The following CAD variants were observed in gnomAD, a reference collection of about 807,000 sequenced individuals.
The protein encoded by CAD is carbamoyl-phosphate synthetase 2, aspartate transcarbamylase, and dihydroorotase, also known as multifunctional protein CAD.
CAD carries 81 observed loss-of-function variants against 237.2 expected under a neutral mutation model. That is an observed-to-expected ratio of 0.34 (90% CI 0.29 to 0.41). The LOEUF is 0.41. CAD is among the 10% of genes least tolerant of loss of function. The probability of loss-of-function intolerance (pLI) is 1.00; values close to 1 mark genes in which losing one functional copy is unlikely to be tolerated. For synonymous variants in CAD, 1,196 were observed against 1,162.8 expected (o/e 1.03, Z -0.58); for missense variants, 2,181 against 2,951.7 (o/e 0.74, Z 6.05).
chr2:27,233,649 C>G lies in CAD; in HGVS notation c.3240C>G (p.Thr1080=), dbSNP rs775840369. 5.0e-6 allele frequency: 8 copies of G among 1,614,038 alleles called. No homozygotes were observed. In the African/African-American group the frequency reaches 8.0e-5, roughly 16 times the overall value. ...DLESARQFCQ[T]VGYPCVVRPS... ...AGTCTGCTCGCCAATTCTGCCAGAC[C>G]GTGGGGTACCCCTGTGTGGTGCGCC... is the stretch of plus-strand genomic sequence containing the variant. The change falls in exon 21 of 44, where the codon ACC becomes ACG. Residue 1080 remains threonine (T), a synonymous_variant. Coordinates refer to ENST00000264705, the MANE Select transcript of CAD (RefSeq NM_004341.5). This position sits in a 1 kb window ranked among gnomAD's most constrained non-coding sequence, Gnocchi z 6.3.
At position 27,242,180 on chromosome 2, in the gene CAD, GA is replaced by G. The variant is rs543593559; in HGVS notation, c.6096+59del. The stretch of plus-strand genomic sequence containing the variant: ...AAGAAGGCTGGACCCAGGGGCATGA[GA>G]ACCCTTCTGCCCACGTTTTCTGTGT... On this transcript the variant is annotated intron_variant, in intron 39 of 43. Coordinates refer to ENST00000264705, the MANE Select transcript of CAD (RefSeq NM_004341.5). The surrounding 1 kb of genome is among the most constrained non-coding windows in gnomAD (Gnocchi z 6.4). 3.7e-4 allele frequency: 589 copies of G among 1,596,110 alleles called. No individual in the cohort carries two copies. In the African/African-American group the frequency reaches 6.9e-3, roughly 19 times the overall value.
intron 15 of CAD, among the ~76,000 whole-genome samples, chr2:27,230,559 GA>G (rs563910864): frequency 1.7e-3 from 252 of 152,104 alleles, no homozygotes; most frequent in Middle Eastern, 0.014. Flanking sequence ...CCAGGAAGCA[GA>G]GGTTGCAGTG....
rs1474151074 is a variant in CAD at position 27,235,876 on chromosome 2, A to G, written c.4074+236A>G. 1 of 470,008 alleles carries G rather than the reference A, an allele frequency of 2.1e-6. No individual in the cohort carries two copies. The highest frequency in any genetic ancestry group is 3.8e-6 in the Non-Finnish European group (1 of 264,794). 29.1% of individuals were successfully genotyped at this position (470,008 alleles called of 1,614,324 possible). On this transcript the variant is annotated intron_variant, in intron 25 of 43. Coordinates refer to ENST00000264705, the MANE Select transcript of CAD (RefSeq NM_004341.5). This position sits in a 1 kb window ranked among gnomAD's most constrained non-coding sequence, Gnocchi z 5.2. ...GGGAAACAGTGAGATGCTGTCTCAA[A>G]AAAAAAAAAAACAAAGAATTATCTC...
chr2:27,232,152 T>C lies in CAD; in HGVS notation c.2573T>C (p.Leu858Ser). ...CTAGAACAACACCGTGGACAGCCTT[T>C]GCCGCCAGACCTGCTGCAACAGGCC... ...QLLEQHRGQP[L>S]PPDLLQQAKC... is the part of the protein sequence containing the mutation. The change falls in exon 17 of 44, where the codon TTG becomes TCG. Residue 858 changes from leucine to serine, a missense_variant. Physicochemically the swap from Leu to Ser is moderately radical, Grantham distance 145. This residue lies in a region of CAD where 385 missense variants were observed against 535.1 expected (regional missense o/e 0.72). Coordinates refer to ENST00000264705, the MANE Select transcript of CAD (RefSeq NM_004341.5). The surrounding 1 kb of genome is among the most constrained non-coding windows in gnomAD (Gnocchi z 4.1). 6.2e-7 allele frequency: 1 copy of C among 1,614,262 alleles called. No individual in the cohort carries two copies. The highest frequency in any genetic ancestry group is 8.5e-7 in the Non-Finnish European group (1 of 1,180,042).
chr2:27,242,427 G>A lies in CAD; in HGVS notation c.6222G>A (p.Thr2074=). The A allele has an allele frequency of 1.2e-6, 2 of 1,612,776 alleles. No homozygotes were observed. Among genetic ancestry groups the A allele is most frequent in the Non-Finnish European group, 1.7e-6 (2 of 1,179,256 alleles). The change falls in exon 40 of 44, where the codon ACG becomes ACA. Residue 2074 remains threonine (T), a splice_region_variant and synonymous_variant. Coordinates refer to ENST00000264705, the MANE Select transcript of CAD (RefSeq NM_004341.5). This position sits in a 1 kb window ranked among gnomAD's most constrained non-coding sequence, Gnocchi z 6.4. ...REELGTVNGM[T]ITMVGDLKHG... ...AGCTGGGAACTGTCAATGGCATGAC[G>A]GTGAGGGTGGTGGCAGGGTTTGGAT...
At position 27,240,444 on chromosome 2, in the gene CAD, A is replaced by G. The variant is rs562982323; in HGVS notation, c.5593+83A>G. The G allele has an allele frequency of 5.6e-4, 836 of 1,481,852 alleles. No homozygotes were observed. The highest frequency in any genetic ancestry group is 7.4e-4 in the Non-Finnish European group (784 of 1,060,448). The allele number at this position is 1,481,852 out of a possible 1,614,324, so 91.8% of individuals were successfully genotyped here. ...CAGTGCCTCGCCTTTCTCTACTTAC[A>G]TGTCCTCCTCTCCATCCCTTTATCC... On this transcript the variant is annotated intron_variant, in intron 35 of 43. Transcript: ENST00000264705. This position sits in a 1 kb window ranked among gnomAD's most constrained non-coding sequence, Gnocchi z 4.6.
rs759814511 is a variant in CAD, at chr2:27,226,551, G to A, written c.2058G>A (p.Arg686=). ...EQYYIIEVNA[R]LSRSSALASK... ...ATTACATCATTGAAGTGAATGCCAG[G>A]CTCTCTCGCAGCTCTGCCCTGGCCA... Residue 686 remains arginine (R), a synonymous_variant, in exon 14 of 44, where the codon AGG becomes AGA. Coordinates refer to ENST00000264705, the MANE Select transcript of CAD (RefSeq NM_004341.5). The A allele has an allele frequency of 3.7e-6, 6 of 1,614,132 alleles. No homozygotes were observed. Among genetic ancestry groups the A allele is most frequent in the Non-Finnish European group, 3.4e-6 (4 of 1,180,012 alleles).
rs1572451378 is a variant in CAD at position 27,240,050 on chromosome 2, A to G, written c.5497-215A>G. 3.3e-6 allele frequency: 2 copies of G among 597,064 alleles called. No homozygotes were observed. Among genetic ancestry groups the G allele is most frequent in the Non-Finnish European group, 5.9e-6 (2 of 340,376 alleles). 37.0% of individuals were successfully genotyped at this position (597,064 alleles called of 1,614,324 possible). A position where few individuals can be genotyped will look rare whatever the true frequency, so the allele number is the denominator to read the frequency against. ...GAGGTCAGGAGTTTAAGACCAGCCT[A>G]GCCAACATGGTGAAACCCCATCTCT... is the stretch of plus-strand genomic sequence containing the variant. On this transcript the variant is annotated intron_variant, in intron 34 of 43. Coordinates refer to ENST00000264705, the MANE Select transcript of CAD (RefSeq NM_004341.5). The surrounding 1 kb of genome is among the most constrained non-coding windows in gnomAD (Gnocchi z 4.6).
chr2:27,233,268 G>T lies in CAD; in HGVS notation c.2992-44G>T, dbSNP rs770798915. ...AGTGAGCAGGAAGGCTCAGATTCCT[G>T]CCCTCTTTTGCTGCCACCACTTGTT... On this transcript the variant is annotated intron_variant, in intron 19 of 43. Transcript: ENST00000264705. The surrounding 1 kb of genome is among the most constrained non-coding windows in gnomAD (Gnocchi z 6.3). The T allele has an allele frequency of 6.4e-7, 1 of 1,570,688 alleles. No individual in the cohort carries two copies. Among genetic ancestry groups the T allele is most frequent in the Non-Finnish European group, 8.8e-7 (1 of 1,141,016 alleles).
In CAD at chr2:27,241,443, G is replaced by A. The variant is rs779370306; in HGVS notation, c.5883+47G>A. 2 of 1,591,768 alleles carry A rather than the reference G, an allele frequency of 1.3e-6. No homozygotes were observed. The highest frequency in any genetic ancestry group is 1.1e-5 in the South Asian group (1 of 90,614). ...AGGGTCCAGGCCATCGCCTGCCCTT[G>A]GGCCGCATCAGCGCAGGGCCGCGCA... On this transcript the variant is annotated intron_variant, in intron 38 of 43. Transcript: ENST00000264705. The surrounding 1 kb of genome is among the most constrained non-coding windows in gnomAD (Gnocchi z 4.6).
At position 27,242,649 on chromosome 2, in the gene CAD, A is replaced by G; in HGVS notation, c.6252A>G (p.Gly2084=). The change falls in exon 41 of 44, where the codon GGA becomes GGG. Residue 2084 remains glycine, a synonymous_variant. Coordinates refer to ENST00000264705, the MANE Select transcript of CAD (RefSeq NM_004341.5). This position sits in a 1 kb window ranked among gnomAD's most constrained non-coding sequence, Gnocchi z 6.4. ...CGATGGTGGGTGACCTGAAGCACGG[A>G]CGCACAGTACATTCCCTGGCCTGCC... ...TITMVGDLKH[G]RTVHSLACLL... is the part of the protein sequence containing the mutation. 1.2e-6 allele frequency: 2 copies of G among 1,608,530 alleles called. No individual in the cohort carries two copies. The highest frequency in any genetic ancestry group is 1.7e-6 in the Non-Finnish European group (2 of 1,175,940).
chr2:27,231,404 G>A, intron 15 of CAD, 64 bp from the exon 16 acceptor site: 2 of 882,270 alleles, frequency 2.3e-6, no homozygotes, highest in South Asian at 1.4e-5. Context: ...AAGCATTATG[G>A]GCAGTGCCTT....
In CAD at chr2:27,233,898, C is replaced by T; in HGVS notation, c.3399+90C>T. On this transcript the variant is annotated intron_variant, in intron 21 of 43. Coordinates refer to ENST00000264705, the MANE Select transcript of CAD (RefSeq NM_004341.5). The surrounding 1 kb of genome is among the most constrained non-coding windows in gnomAD (Gnocchi z 6.3). The stretch of plus-strand genomic sequence containing the variant: ...TCTGGTCCAGCAGAATCATAGGCAC[C>T]AGGGCTGGGAACAGTGGGCTATGTG... The T allele has an allele frequency of 6.4e-7, 1 of 1,558,996 alleles. No homozygotes were observed. The highest frequency in any genetic ancestry group is 1.7e-5 in the Admixed American group (1 of 58,580).
rs777044299 is a variant in CAD, at chr2:27,222,852, T to C, written c.638-14T>C. 2 of 1,613,160 alleles carry C rather than the reference T, an allele frequency of 1.2e-6. No homozygotes were observed. Among genetic ancestry groups the C allele is most frequent in the Admixed American group, 3.3e-5 (2 of 59,968 alleles). ...AAATACTGATTTTGATGTCATCTTTTCTGCCCACTCCAGAGTATGAGGGTC... is the reference window on the plus strand; with the variant it reads ...AAATACTGATTTTGATGTCATCTTTCCTGCCCACTCCAGAGTATGAGGGTC... On this transcript the variant is annotated splice_polypyrimidine_tract_variant and intron_variant, in intron 5 of 43. Transcript: ENST00000264705.
At position 27,222,549 on chromosome 2, in the gene CAD, C is replaced by A. The variant is rs1172443668; in HGVS notation, c.526C>A (p.Pro176Thr). The A allele has an allele frequency of 6.2e-7, 1 of 1,614,090 alleles. No individual in the cohort carries two copies. ...ACGGGTATTCAATACAGGGGGTGCC[C>A]CTCGGATCCTTGCTTTGGACTGTGG... ...TPRVFNTGGAPRILALDCGLK... is the reference protein window; with the variant it reads ...TPRVFNTGGATRILALDCGLK... The change falls in exon 5 of 44, where the codon CCT (proline) becomes ACT (threonine). Residue 176 changes from proline (P) to threonine (T), a missense_variant. By Grantham distance (38) the Pro-to-Thr change is conservative (BLOSUM62 -1). Around this residue, in one of 12 missense-constraint regions of CAD, gnomAD observed 314 missense variants for 339.4 expected, o/e 0.93. Coordinates refer to ENST00000264705, the MANE Select transcript of CAD (RefSeq NM_004341.5).
At chr2:27,219,169 C>G (rs1193302381) in intron 2 of CAD, among the ~76,000 whole-genome samples, 4 of 152,206 alleles carry the variant, frequency 2.6e-5, no homozygotes, top group Non-Finnish European at 4.4e-5. Context: ...TCCACCTGGC[C>G]AGGGAGGGTT....
In CAD at chr2:27,240,283, C is replaced by T. The variant is rs746786769; in HGVS notation, c.5515C>T (p.Arg1839Cys). ...CCTCCAGACACCTGAAAGACCCCGC[C>T]GTGGCATCCCAGGGCTTCCTGATGG... is the stretch of plus-strand genomic sequence containing the variant. Reference protein sequence around the residue: ...EMTTTPERPRRGIPGLPDGRF... With the variant: ...EMTTTPERPRCGIPGLPDGRF... The change falls in exon 35 of 44, where the codon CGT becomes TGT. Residue 1839 changes from arginine to cysteine, a missense_variant. By Grantham distance (180) the Arg-to-Cys change is radical. This residue lies in a region of CAD where 478 missense variants were observed against 515.0 expected (regional missense o/e 0.93). Transcript: ENST00000264705. The surrounding 1 kb of genome is among the most constrained non-coding windows in gnomAD (Gnocchi z 4.6). The T allele has an allele frequency of 4.3e-6, 7 of 1,613,924 alleles. No homozygotes were observed. The highest frequency in any genetic ancestry group is 1.3e-5 in the African/African-American group (1 of 74,886).
In CAD at chr2:27,233,230, G is replaced by A. The variant is rs970067748; in HGVS notation, c.2992-82G>A. The stretch of plus-strand genomic sequence containing the variant: ...CTAAGATTCTTTGAAACTTGGTGGC[G>A]GCTGAGGGAAGCAGTGAGCAGGAAG... On this transcript the variant is annotated intron_variant, in intron 19 of 43. Transcript: ENST00000264705. The surrounding 1 kb of genome is among the most constrained non-coding windows in gnomAD (Gnocchi z 6.3). 6.6e-6 allele frequency: 10 copies of A among 1,514,960 alleles called. No homozygotes were observed. The South Asian group carries it at 1.0e-4, about 15-fold the overall frequency. 93.8% of individuals were successfully genotyped at this position (1,514,960 alleles called of 1,614,324 possible). A position where few individuals can be genotyped will look rare whatever the true frequency, so the allele number is the denominator to read the frequency against.
chr2:27,236,684 C>G lies in CAD; in HGVS notation c.4315-65C>G. ...GTGCAGAGCCTGGTTTATGGGAAAACCACATCTCTCCCTACAACTCCCAGG... is the reference window on the plus strand; with the variant it reads ...GTGCAGAGCCTGGTTTATGGGAAAAGCACATCTCTCCCTACAACTCCCAGG... On this transcript the variant is annotated intron_variant, in intron 26 of 43. Coordinates refer to ENST00000264705, the MANE Select transcript of CAD (RefSeq NM_004341.5). The surrounding 1 kb of genome is among the most constrained non-coding windows in gnomAD (Gnocchi z 4.1). 1 of 1,570,006 alleles carries G rather than the reference C, an allele frequency of 6.4e-7. No individual in the cohort carries two copies. The highest frequency in any genetic ancestry group is 1.1e-5 in the South Asian group (1 of 90,134).
Sources: allele counts gnomAD v4.1 joint callset (sites outside exome capture counted in the v4.1 genomes callset), GRCh38; gene constraint gnomAD v4.1.1; regional missense constraint gnomAD v4.1.1; non-coding constraint Gnocchi (gnomAD v3.1); transcripts MANE v1.5; gene names NCBI Gene and HGNC (gene_info 2026-07-23, HGNC 2026-07-21).